EPHA3: variants seen among roughly 807,000 people sequenced by gnomAD.
The protein encoded by EPHA3 is ephrin type-A receptor 3.
In EPHA3, 42 loss-of-function variants were observed where a neutral mutation model predicts 107.1. The ratio of observed to expected loss-of-function variants is 0.39; its 90% confidence interval spans 0.31 to 0.51. The LOEUF is 0.51. EPHA3 is among the 20% of genes least tolerant of loss of function. The pLI is 0.78. For synonymous variants in EPHA3, 461 were observed against 424.8 expected (o/e 1.09, Z -1.05); for missense variants, 1,183 against 1,211.2 (o/e 0.98, Z 0.35).
intron 1 of EPHA3, among the ~76,000 whole-genome samples, chr3:89,126,844 T>G (rs891657591): frequency 6.6e-5 from 10 of 151,882 alleles, no homozygotes; most frequent in African/African-American, 2.4e-4. Flanking sequence ...TGTAAATTTA[T>G]CAAATTTAAT....
At chr3:89,213,441 G>A (rs1177796322) in intron 3 of EPHA3, among the ~76,000 whole-genome samples, 1 of 151,800 alleles carries the variant, frequency 6.6e-6, no homozygotes, top group Admixed American at 6.6e-5. Flanking sequence ...ATTCCACTAC[G>A]CCTTTCAGAA....
At chr3:89,327,525 G>A (rs1707191549) in intron 3 of EPHA3, among the ~76,000 whole-genome samples, 2 of 152,244 alleles carry the variant, frequency 1.3e-5, no homozygotes, top group South Asian at 4.2e-4. Flanking sequence ...TCTATCATGT[G>A]TTATACTGAG....
intron 3 of EPHA3, among the ~76,000 whole-genome samples, chr3:89,222,326 CAT>C (rs34438291): frequency 0.073 from 10,033 of 138,142 alleles, 488 homozygotes; most frequent in African/African-American, 0.15. Context: ...AATACATATA[CAT>C]ATATATATAT....
chr3:89,458,449 C>A (rs1466610149), intron 15 of EPHA3, among the ~76,000 whole-genome samples: 1 of 151,874 alleles, frequency 6.6e-6, no homozygotes, highest in Non-Finnish European at 1.5e-5. Flanking sequence ...TTAACAAAAG[C>A]TGAAAAAGGG....
chr3:89,303,902 C>CA (rs1706549625), intron 3 of EPHA3, among the ~76,000 whole-genome samples: 1 of 152,114 alleles, frequency 6.6e-6, no homozygotes, highest in Admixed American at 6.6e-5. Flanking sequence ...GGAGTTTAAA[C>CA]TGGCTATCCC....
chr3:89,242,656 C>G (rs1414023888), intron 3 of EPHA3, among the ~76,000 whole-genome samples: 5 of 152,122 alleles, frequency 3.3e-5, no homozygotes. Flanking sequence ...CCAGGATGGT[C>G]TCGATCTCCT....
intron 15 of EPHA3, among the ~76,000 whole-genome samples, chr3:89,467,973 C>G (rs763362576): frequency 6.6e-6 from 1 of 152,142 alleles, no homozygotes; most frequent in Non-Finnish European, 1.5e-5. Flanking sequence ...ATCACCCAGC[C>G]TATAAATTTC....
chr3:89,475,048 C>T (rs1370776458), intron 16 of EPHA3, among the ~76,000 whole-genome samples: 1 of 152,104 alleles, frequency 6.6e-6, no homozygotes, highest in Non-Finnish European at 1.5e-5. Flanking sequence ...GGATTAACAC[C>T]TTTGCCCTAA....
intron 7 of EPHA3, among the ~76,000 whole-genome samples, chr3:89,403,477 G>A (rs766857828): frequency 8.6e-5 from 13 of 151,762 alleles, no homozygotes; most frequent in Non-Finnish European, 1.5e-4. Flanking sequence ...GTCTTGAACC[G>A]TGCAATTATT....
chr3:89,312,467 C>T (rs1706786856), intron 3 of EPHA3, among the ~76,000 whole-genome samples: 2 of 150,032 alleles, frequency 1.3e-5, no homozygotes, highest in Admixed American at 6.7e-5. Context: ...TATCTTTCTT[C>T]TTTAAATTGT....
At chr3:89,133,253 A>C (rs1704244604) in intron 2 of EPHA3, among the ~76,000 whole-genome samples, 1 of 152,144 alleles carries the variant, frequency 6.6e-6, no homozygotes, top group Non-Finnish European at 1.5e-5. Context: ...AGCCCAATAC[A>C]TTGCCTCTGA....
intron 3 of EPHA3, among the ~76,000 whole-genome samples, chr3:89,239,633 A>G (rs1229336214): frequency 6.6e-6 from 1 of 152,186 alleles, no homozygotes; most frequent in Admixed American, 6.6e-5. Flanking sequence ...GTAACTCAGG[A>G]TTACAGATAT....
chr3:89,227,600 C>A (rs1480902041), intron 3 of EPHA3, among the ~76,000 whole-genome samples: 2 of 151,946 alleles, frequency 1.3e-5, no homozygotes, highest in East Asian at 3.9e-4. Context: ...TCTCAATTAC[C>A]TTGTACATAT....
chr3:89,403,338 T>G (rs1709000166), intron 7 of EPHA3, among the ~76,000 whole-genome samples: 1 of 152,164 alleles, frequency 6.6e-6, no homozygotes, highest in Admixed American at 6.5e-5. Context: ...TTGATTCTGT[T>G]CTATAAGTTA....
intron 5 of EPHA3, among the ~76,000 whole-genome samples, chr3:89,359,555 T>A (rs1708041906): frequency 6.7e-6 from 1 of 150,226 alleles, no homozygotes; most frequent in Admixed American, 6.7e-5. Flanking sequence ...ACACACTATT[T>A]GCTGTATTTT....
intron 2 of EPHA3, among the ~76,000 whole-genome samples, chr3:89,161,225 A>G (rs1279534771): frequency 6.6e-6 from 1 of 152,180 alleles, no homozygotes; most frequent in Admixed American, 6.5e-5. Flanking sequence ...TAAAAAAGGA[A>G]AATGTTTGAA....
rs764206594 is a variant in EPHA3, at chr3:89,399,384, A to G, written c.1498A>G (p.Lys500Glu). Residue 500 changes from lysine (K) to glutamate (E), a missense_variant, in exon 7 of 17, where the codon AAG becomes GAG. Coordinates refer to ENST00000336596, the MANE Select transcript of EPHA3 (RefSeq NM_005233.6). ...CACAAATGTTACCATCAGTAGCCTC[A>G]AGCCTGACACTATATACGTATTCCA... ...RGTNVTISSL[K>E]PDTIYVFQIR... 2 of 1,614,154 alleles carry G rather than the reference A, an allele frequency of 1.2e-6. No homozygotes were observed. The highest frequency in any genetic ancestry group is 1.7e-6 in the Non-Finnish European group (2 of 1,180,018).
intron 2 of EPHA3, among the ~76,000 whole-genome samples, chr3:89,193,662 T>A (rs1705770953): frequency 6.6e-6 from 1 of 152,014 alleles, no homozygotes; most frequent in South Asian, 2.1e-4. Flanking sequence ...CACTGTACAT[T>A]ATATATTCCA....
chr3:89,265,371 G>C (rs370185839), intron 3 of EPHA3, among the ~76,000 whole-genome samples: 5 of 152,052 alleles, frequency 3.3e-5, no homozygotes, highest in African/African-American at 1.2e-4. Flanking sequence ...CATGAAGTTC[G>C]TTAGGTGATA....
Sources: gnomAD v4.1 joint callset for allele counts (sites outside exome capture counted in the v4.1 genomes callset) on GRCh38, gnomAD v4.1.1 for gene constraint, MANE v1.5 for transcripts, NCBI Gene and HGNC (gene_info 2026-07-23, HGNC 2026-07-21) for gene names.